Variants in ARHGEF28 observed in about 807,000 individuals in gnomAD.
The protein encoded by ARHGEF28 is Rho guanine nucleotide exchange factor 28.
ARHGEF28 carries 152 observed loss-of-function variants against 206.6 expected under a neutral mutation model. That is an observed-to-expected ratio of 0.74 (90% CI 0.64 to 0.84). The LOEUF (loss-of-function observed/expected upper bound fraction) is 0.84, where lower values mean the gene tolerates loss of function less well. Ranked by LOEUF, ARHGEF28 falls within the 40% of genes least tolerant of loss-of-function variation. ARHGEF28 has a pLI of 0.00. For missense variants in ARHGEF28, 2,028 were observed against 2,073.2 expected (o/e 0.98, Z 0.42); for synonymous variants, 763 against 776.4 (o/e 0.98, Z 0.29).
intron 30 of ARHGEF28, 106 bp from the exon 31 acceptor site, chr5:73,901,078 T>G: frequency 1.2e-6 from 1 of 804,984 alleles, no homozygotes; most frequent in Non-Finnish European, 2.1e-6. Context: ...TATTTTGTGG[T>G]GTTTCCTATT....
intron 26 of ARHGEF28, among the ~76,000 whole-genome samples, chr5:73,890,545 C>T (rs937085113): frequency 1.3e-5 from 2 of 152,204 alleles, no homozygotes; most frequent in African/African-American, 4.8e-5. Context: ...AGAGGCTGAG[C>T]ACAGGCTGTA....
intron 9 of ARHGEF28, among the ~76,000 whole-genome samples, chr5:73,819,207 A>T (rs1241211098): frequency 8.5e-5 from 13 of 152,244 alleles, no homozygotes. Context: ...GCGATACAGA[A>T]ATGCAGAGAG....
At position 73,746,207 on chromosome 5, in the gene ARHGEF28, A is replaced by T. The variant is rs559987325; in HGVS notation, c.34-3630A>T. 2.6e-4 allele frequency among the ~76,000 whole-genome samples: 40 copies of T among 152,242 alleles called. 1 individual carries two copies. In the South Asian group the frequency reaches 8.1e-3, roughly 31 times the overall value. On this transcript the variant is annotated intron_variant, in intron 2 of 35. Transcript: ENST00000513042. ...TTATTCTAAAATAACATCTCAAAGG[A>T]TAAAAATTACTTAAAATGTTTATAA...
intron 23 of ARHGEF28, 32 bp downstream of exon 23, chr5:73,882,626 T>C (rs752852938): frequency 7.0e-7 from 1 of 1,427,562 alleles, no homozygotes; most frequent in South Asian, 1.4e-5. Flanking sequence ...TACAAAGTGA[T>C]AAATCAGCAT....
intron 4 of ARHGEF28, among the ~76,000 whole-genome samples, chr5:73,770,780 G>A (rs1305452659): frequency 1.3e-5 from 2 of 152,206 alleles, no homozygotes; most frequent in Non-Finnish European, 2.9e-5. Flanking sequence ...TTAAACATCA[G>A]AAGATTCTCT....
At chr5:73,776,441 A>G in intron 5 of ARHGEF28, 75 bp from the exon 6 acceptor site, 2 of 1,334,808 alleles carry the variant, frequency 1.5e-6, no homozygotes, top group Non-Finnish European at 2.0e-6. Context: ...GATCAGGGGC[A>G]GTGATCCTAA....
At chr5:73,678,396 G>A (rs1208932089) in intron 1 of ARHGEF28, among the ~76,000 whole-genome samples, 2 of 152,104 alleles carry the variant, frequency 1.3e-5, no homozygotes, top group Non-Finnish European at 2.9e-5. Flanking sequence ...GTAGAGTAAT[G>A]AATAATGAAA....
At chr5:73,821,489 G>A (rs1324394968) in intron 9 of ARHGEF28, among the ~76,000 whole-genome samples, 2 of 152,100 alleles carry the variant, frequency 1.3e-5, no homozygotes, top group Non-Finnish European at 2.9e-5. Flanking sequence ...AATCATTTTT[G>A]TGTGCCAGTG....
At position 73,773,841 on chromosome 5, in the gene ARHGEF28, T is replaced by A; in HGVS notation, c.476-14T>A. On this transcript the variant is annotated splice_polypyrimidine_tract_variant and intron_variant, in intron 4 of 35. Coordinates refer to ENST00000513042, the MANE Select transcript of ARHGEF28 (RefSeq NM_001177693.2). ...ATGGAGGAACTAATATGGTATGTGT[T>A]TTTTCCTCTTCAGTATCTTCTCACA... is the stretch of plus-strand genomic sequence containing the variant. The A allele has an allele frequency of 6.3e-7, 1 of 1,577,876 alleles. No homozygotes were observed. The highest frequency in any genetic ancestry group is 1.3e-5 in the African/African-American group (1 of 74,236).
chr5:73,770,557 A>G (rs1454602210), intron 4 of ARHGEF28, among the ~76,000 whole-genome samples: 1 of 152,144 alleles, frequency 6.6e-6, no homozygotes, highest in African/African-American at 2.4e-5. Context: ...TATTTTAAAC[A>G]CTCCCACCTC....
At chr5:73,931,755 C>T (rs751019154) in intron 35 of ARHGEF28, among the ~76,000 whole-genome samples, 7 of 152,114 alleles carry the variant, frequency 4.6e-5, no homozygotes, top group Non-Finnish European at 8.8e-5. Context: ...CTTCAGCTTT[C>T]TGTGTTCCTG....
intron 1 of ARHGEF28, among the ~76,000 whole-genome samples, chr5:73,681,853 A>AGAATTACTTGGC (rs1747123137): frequency 6.6e-6 from 1 of 152,130 alleles, no homozygotes; most frequent in East Asian, 1.9e-4. Context: ...TAATCCCAGC[A>AGAATTACTTGGC]CTGTGGGAGG....
At chr5:73,751,675 G>C (rs1246358342) in intron 3 of ARHGEF28, among the ~76,000 whole-genome samples, 3 of 152,088 alleles carry the variant, frequency 2.0e-5, no homozygotes, top group African/African-American at 7.2e-5. Flanking sequence ...TTAGGAGGAA[G>C]GTAATATAAT....
intron 35 of ARHGEF28, among the ~76,000 whole-genome samples, chr5:73,917,501 A>G (rs1323337264): frequency 6.6e-6 from 1 of 152,232 alleles, no homozygotes; most frequent in East Asian, 1.9e-4. Context: ...GTGAGCCAGG[A>G]GTGCTTACTG....
At chr5:73,655,547 G>T (rs959570230) in intron 1 of ARHGEF28, among the ~76,000 whole-genome samples, 2 of 152,122 alleles carry the variant, frequency 1.3e-5, no homozygotes. Flanking sequence ...ACTAAGAATA[G>T]AATTTCATTG....
At position 73,873,178 on chromosome 5, in the gene ARHGEF28, C is replaced by G. The variant is rs1760220436; in HGVS notation, c.2746C>G (p.Gln916Glu). The G allele has an allele frequency of 1.2e-6, 2 of 1,612,306 alleles. No individual in the cohort carries two copies. The highest frequency in any genetic ancestry group is 4.5e-5 in the East Asian group (2 of 44,832). Residue 916 changes from glutamine (Q) to glutamate (E), a missense_variant, in exon 22 of 36, where the codon CAG (glutamine) becomes GAG (glutamate). Physicochemically the swap from Gln to Glu is conservative, Grantham distance 29. Transcript: ENST00000513042. ...CTTCTACAGTATGAAGGAACGAAGG[C>G]AGGAATCCTGTGCTGGCAGCGACAG... ...HFFYSMKERRQESCAGSDRNF... is the reference protein window; with the variant it reads ...HFFYSMKERREESCAGSDRNF...
intron 7 of ARHGEF28, among the ~76,000 whole-genome samples, chr5:73,788,125 G>A (rs910444688): frequency 6.6e-6 from 1 of 151,782 alleles, no homozygotes; most frequent in African/African-American, 2.4e-5. Flanking sequence ...AGCCTAGAGA[G>A]AAAAAAAAGT....
chr5:73,679,717 T>A lies in ARHGEF28; in HGVS notation c.-11-5124T>A, dbSNP rs533468100. The stretch of plus-strand genomic sequence containing the variant: ...CAAAAAAAGAAAAAGAAAGTATTAC[T>A]TTTTTCTTGAAGGAACAGGCTAATT... On this transcript the variant is annotated intron_variant, in intron 1 of 35. Transcript: ENST00000513042. 1.1e-4 allele frequency among the ~76,000 whole-genome samples: 16 copies of A among 152,116 alleles called. No individual in the cohort carries two copies. The South Asian group carries it at 2.9e-3, about 28-fold the overall frequency.
chr5:73,704,415 ATTAT>A (rs1748804331), intron 2 of ARHGEF28, among the ~76,000 whole-genome samples: 2 of 151,906 alleles, frequency 1.3e-5, no homozygotes, highest in Non-Finnish European at 2.9e-5. Flanking sequence ...TATTATTACT[ATTAT>A]TTATTTATTT....
Sources: allele counts gnomAD v4.1 joint callset (sites outside exome capture counted in the v4.1 genomes callset), GRCh38; gene constraint gnomAD v4.1.1; transcripts MANE v1.5; gene names NCBI Gene and HGNC (gene_info 2026-07-23, HGNC 2026-07-21).